The following TIAM1 variants were observed in gnomAD, a reference collection of about 807,000 sequenced individuals.
TIAM1 encodes TIAM Rac1 associated GEF 1.
Under a neutral mutation model 163.5 loss-of-function variants are expected in TIAM1, and 65 were observed. The observed-to-expected ratio is 0.40, with a 90% confidence interval of 0.33 to 0.49. The LOEUF (loss-of-function observed/expected upper bound fraction) is 0.49, where lower values mean the gene tolerates loss of function less well. Among genes scored for constraint, TIAM1 ranks in the 20% least tolerant of loss-of-function variants. The pLI, the probability that TIAM1 is intolerant of heterozygous loss-of-function variation, is 0.77. For missense variants in TIAM1, 1,789 were observed against 2,044.7 expected (o/e 0.87, Z 2.41); for synonymous variants, 833 against 810.1 (o/e 1.03, Z -0.48).
chr21:31,229,657 CT>C (rs11296223), intron 6 of TIAM1, among the ~76,000 whole-genome samples: 11,380 of 148,020 alleles, frequency 0.077, 1,332 homozygotes, highest in African/African-American at 0.25. Flanking sequence ...TTCACCCCCC[CT>C]TTTTTTTTTG....
chr21:31,498,308 C>T (rs1001804467), intron 1 of TIAM1, among the ~76,000 whole-genome samples: 1 of 152,238 alleles, frequency 6.6e-6, no homozygotes, highest in African/African-American at 2.4e-5. Flanking sequence ...CCACGTTAAA[C>T]TTCATGGGAC....
At chr21:31,477,173 A>G (rs1267591897) in intron 1 of TIAM1, among the ~76,000 whole-genome samples, 2 of 152,208 alleles carry the variant, frequency 1.3e-5, no homozygotes, top group African/African-American at 4.8e-5. Flanking sequence ...CATATGGGTC[A>G]ACCTAATCAG....
chr21:31,319,594 C>G (rs1416766335), intron 2 of TIAM1, among the ~76,000 whole-genome samples: 2 of 151,900 alleles, frequency 1.3e-5, no homozygotes, highest in South Asian at 2.1e-4. Context: ...CTGGCTAACA[C>G]AGTGAAACCC....
intron 1 of TIAM1, among the ~76,000 whole-genome samples, chr21:31,499,203 G>A (rs192856748): frequency 6.6e-6 from 1 of 152,154 alleles, no homozygotes; most frequent in East Asian, 1.9e-4. Flanking sequence ...GATGGGGAAG[G>A]TCCTCACCCC....
chr21:31,304,610 A>T (rs2074624948), intron 2 of TIAM1, among the ~76,000 whole-genome samples: 1 of 152,228 alleles, frequency 6.6e-6, no homozygotes, highest in Non-Finnish European at 1.5e-5. Context: ...TGAAAATTCA[A>T]TAAGACAAAA....
chr21:31,207,643 C>A (rs1257375981), intron 11 of TIAM1, among the ~76,000 whole-genome samples: 1 of 152,188 alleles, frequency 6.6e-6, no homozygotes, highest in Non-Finnish European at 1.5e-5. Context: ...TTAGAAGGCA[C>A]CTGGCCCTGA....
At chr21:31,504,271 C>T (rs2046956864) in intron 1 of TIAM1, among the ~76,000 whole-genome samples, 1 of 152,188 alleles carries the variant, frequency 6.6e-6, no homozygotes, top group South Asian at 2.1e-4. Context: ...AAAGGGAGAT[C>T]TGATTTAATC....
intron 4 of TIAM1, among the ~76,000 whole-genome samples, chr21:31,260,627 G>A (rs923722216): frequency 6.0e-5 from 9 of 150,808 alleles, no homozygotes; most frequent in Admixed American, 2.0e-4. Context: ...TGTTGAAAAT[G>A]CATGGGTTTG....
chr21:31,468,323 GA>G (rs201469926), intron 1 of TIAM1, among the ~76,000 whole-genome samples: 4,539 of 146,814 alleles, frequency 0.031, 230 homozygotes, highest in African/African-American at 0.11. Flanking sequence ...TGAAAAAATA[GA>G]AAAAAAAAAT....
At chr21:31,423,806 G>A (rs763864977) in intron 2 of TIAM1, among the ~76,000 whole-genome samples, 1 of 128,798 alleles carries the variant, frequency 7.8e-6, no homozygotes, top group East Asian at 2.7e-4. Flanking sequence ...TATATGAAAC[G>A]TCCGGAATAG....
At chr21:31,501,476 C>T (rs2046846040) in intron 1 of TIAM1, among the ~76,000 whole-genome samples, 1 of 152,114 alleles carries the variant, frequency 6.6e-6, no homozygotes, top group South Asian at 2.1e-4. Flanking sequence ...GCCTGATTGA[C>T]CAAAGTGACC....
intron 1 of TIAM1, among the ~76,000 whole-genome samples, chr21:31,465,517 C>T (rs967500839): frequency 6.6e-6 from 1 of 151,220 alleles, no homozygotes; most frequent in Non-Finnish European, 1.5e-5. Flanking sequence ...GGCTTCTTAA[C>T]AAGGAGAACC....
At chr21:31,532,264 T>C (rs1483009929) in intron 1 of TIAM1, among the ~76,000 whole-genome samples, 2 of 152,164 alleles carry the variant, frequency 1.3e-5, no homozygotes, top group African/African-American at 4.8e-5. Context: ...ACCTCCTTGG[T>C]CCAACTAAAA....
Position 31,120,965 on chromosome 21 carries a change from T to G in TIAM1, c.4307-128A>C, listed in dbSNP as rs564113575. On this transcript the variant is annotated intron_variant, in intron 27 of 27. Coordinates refer to ENST00000541036, the MANE Select transcript of TIAM1 (RefSeq NM_001353694.2). This position sits in a 1 kb window ranked among gnomAD's most constrained non-coding sequence, Gnocchi z 4.2. ...ATGCATTGAATGCCTTGATGTCTTT[T>G]GGGGCTTAAAGTCTACATATCACCA... The G allele has an allele frequency of 9.0e-5, 77 of 859,276 alleles. No individual in the cohort carries two copies. The African/African-American group carries it at 1.1e-3, about 12-fold the overall frequency. The allele number at this position is 859,276 out of a possible 1,614,324, so 53.2% of individuals were successfully genotyped here. A position where few individuals can be genotyped will look rare whatever the true frequency, so the allele number is the denominator to read the frequency against.
At chr21:31,279,997 GACACACAGAC>G (rs890782808) in intron 2 of TIAM1, among the ~76,000 whole-genome samples, 23 of 152,050 alleles carry the variant, frequency 1.5e-4, no homozygotes, top group South Asian at 6.2e-4. Flanking sequence ...AGCTCACACA[GACACACAGAC>G]ACACACAGAC....
At chr21:31,122,112 C>T (rs1249523307) in intron 27 of TIAM1, among the ~76,000 whole-genome samples, 1 of 152,154 alleles carries the variant, frequency 6.6e-6, no homozygotes, top group Non-Finnish European at 1.5e-5. Flanking sequence ...GCTGAATTGG[C>T]TCTCATGGCA....
chr21:31,460,850 C>T (rs2147348569), intron 2 of TIAM1, among the ~76,000 whole-genome samples: 1 of 152,164 alleles, frequency 6.6e-6, no homozygotes, highest in African/African-American at 2.4e-5. Flanking sequence ...AATTAAACTC[C>T]TGTTTTTATA....
chr21:31,473,666 A>T (rs896145454), intron 1 of TIAM1, among the ~76,000 whole-genome samples: 4 of 152,014 alleles, frequency 2.6e-5, no homozygotes, highest in African/African-American at 7.2e-5. Flanking sequence ...AAACAACCGG[A>T]AGTGGAGAGA....
Position 31,266,887 on chromosome 21 carries a change from G to T in TIAM1, c.86C>A (p.Ser29Tyr). 1 of 1,613,996 alleles carries T rather than the reference G, an allele frequency of 6.2e-7. No homozygotes were observed. The highest frequency in any genetic ancestry group is 8.5e-7 in the Non-Finnish European group (1 of 1,179,924). The change falls in exon 4 of 28, where the codon TCC (serine) becomes TAC (tyrosine). Residue 29 changes from serine to tyrosine, a missense_variant. Physicochemically the swap from Ser to Tyr is moderately radical, Grantham distance 144. This residue lies in a region of TIAM1 where 555 missense variants were observed against 564.9 expected (regional missense o/e 0.98). Coordinates refer to ENST00000541036, the MANE Select transcript of TIAM1 (RefSeq NM_001353694.2). ...ASLGRKHTSRSLRLSHKTRRT... is the reference protein window; with the variant it reads ...ASLGRKHTSRYLRLSHKTRRT... Reference sequence around the variant, plus strand: ...CCGCGTCTTGTGCGAGAGGCGCAGGGAGCGGGAAGTGTGCTTGCGCCCCAG... The same window carrying T: ...CCGCGTCTTGTGCGAGAGGCGCAGGTAGCGGGAAGTGTGCTTGCGCCCCAG...
Sources: allele counts gnomAD v4.1 joint callset (sites outside exome capture counted in the v4.1 genomes callset), GRCh38; gene constraint gnomAD v4.1.1; regional missense constraint gnomAD v4.1.1; non-coding constraint Gnocchi (gnomAD v3.1); transcripts MANE v1.5; gene names NCBI Gene and HGNC (gene_info 2026-07-23, HGNC 2026-07-21).